The following BMPER variants were observed in gnomAD, a reference collection of about 807,000 sequenced individuals.
BMPER encodes BMP-binding endothelial regulator protein.
BMPER carries 45 observed loss-of-function variants against 87.3 expected under a neutral mutation model. The ratio of observed to expected loss-of-function variants is 0.52; its 90% confidence interval spans 0.41 to 0.66. The LOEUF is 0.66. Among genes scored for constraint, BMPER ranks in the 30% least tolerant of loss-of-function variants. BMPER has a pLI of 0.00. For missense variants in BMPER, 784 were observed against 867.5 expected (o/e 0.90, Z 1.21); for synonymous variants, 326 against 316.2 (o/e 1.03, Z -0.33).
At chr7:34,060,153 T>C (rs1788398705) in intron 10 of BMPER, among the ~76,000 whole-genome samples, 1 of 152,218 alleles carries the variant, frequency 6.6e-6, no homozygotes, top group South Asian at 2.1e-4. Context: ...ACAGGTGCTC[T>C]GACTTTACAG....
At chr7:34,111,804 C>T (rs986802918) in intron 13 of BMPER, among the ~76,000 whole-genome samples, 15 of 152,154 alleles carry the variant, frequency 9.9e-5, no homozygotes, top group Non-Finnish European at 2.1e-4. Context: ...ACCTCTGCCC[C>T]CCAGGTTCAA....
intron 6 of BMPER, among the ~76,000 whole-genome samples, chr7:33,988,186 C>A (rs947588278): frequency 6.6e-6 from 1 of 152,004 alleles, no homozygotes; most frequent in Admixed American, 6.6e-5. Flanking sequence ...GCTGTGTTGA[C>A]TTTAGGGATC....
intron 6 of BMPER, among the ~76,000 whole-genome samples, chr7:34,022,705 CAA>C (rs74837974): frequency 3.7e-4 from 22 of 59,650 alleles, no homozygotes; most frequent in Admixed American, 5.6e-4. Flanking sequence ...TAAGGTTTGC[CAA>C]AAAAAAAAAA....
intron 5 of BMPER, among the ~76,000 whole-genome samples, chr7:33,972,311 C>T (rs1785570276): frequency 6.6e-6 from 1 of 152,142 alleles, no homozygotes; most frequent in South Asian, 2.1e-4. Context: ...AGCCCAAGAC[C>T]TCCCACCCTG....
chr7:33,907,319 C>T (rs1464341790), intron 2 of BMPER, among the ~76,000 whole-genome samples: 2 of 151,658 alleles, frequency 1.3e-5, no homozygotes, highest in East Asian at 1.9e-4. Context: ...ATAAGGTATG[C>T]GACAAAGGGA....
At chr7:33,953,337 C>A (rs1486138754) in intron 3 of BMPER, among the ~76,000 whole-genome samples, 1 of 152,196 alleles carries the variant, frequency 6.6e-6, no homozygotes, top group Admixed American at 6.5e-5. Context: ...TCATAAAGAC[C>A]CTCAGTTATT....
chr7:33,931,429 C>T (rs540483513), intron 2 of BMPER, among the ~76,000 whole-genome samples: 2 of 152,240 alleles, frequency 1.3e-5, no homozygotes, highest in South Asian at 2.1e-4. Context: ...TCTTAAGAAA[C>T]CTGTGAGGAT....
intron 6 of BMPER, among the ~76,000 whole-genome samples, chr7:34,030,426 C>G (rs1268882950): frequency 1.3e-5 from 2 of 151,984 alleles, no homozygotes; most frequent in African/African-American, 4.8e-5. Flanking sequence ...CTGTATTTCC[C>G]CAATGGAATA....
intron 6 of BMPER, among the ~76,000 whole-genome samples, chr7:34,028,798 TGTAGA>T (rs1024788631): frequency 1.3e-5 from 2 of 151,612 alleles, no homozygotes; most frequent in Admixed American, 6.6e-5. Context: ...GAGGAGCCTG[TGTAGA>T]GTAAACACAA....
At chr7:33,921,750 C>T (rs144031334) in intron 2 of BMPER, 38 of 470,984 alleles carry the variant, frequency 8.1e-5, no homozygotes, top group African/African-American at 2.4e-4. Flanking sequence ...ACGAAGCTGA[C>T]GTGACGTTAT....
chr7:34,148,808 A>C (rs186045890), intron 14 of BMPER, among the ~76,000 whole-genome samples: 31 of 152,308 alleles, frequency 2.0e-4, no homozygotes, highest in Non-Finnish European at 1.5e-5. Context: ...AGGGAAACAC[A>C]AAGAATGTGG....
rs1002418781 is a variant in BMPER at position 34,154,916 on chromosome 7, T to C, written c.*1643T>C. 1 of 152,148 alleles carries C rather than the reference T, an allele frequency of 6.6e-6. No homozygotes were observed. The highest frequency in any genetic ancestry group is 6.5e-5 in the Admixed American group (1 of 15,280). The allele number at this position is 152,148 out of a possible 1,614,324, so 9.4% of individuals were successfully genotyped here. A position where few individuals can be genotyped will look rare whatever the true frequency, so the allele number is the denominator to read the frequency against. ...TGAGGTAGTCAGGTCATTGTTTCAA[T>C]GCTGCCCTTGGAAAGAAGACTTTGA... On this transcript the variant is annotated 3_prime_UTR_variant, in exon 15 of 15. Transcript: ENST00000649409.
At chr7:34,109,010 A>G (rs759622758) in intron 13 of BMPER, among the ~76,000 whole-genome samples, 11 of 152,204 alleles carry the variant, frequency 7.2e-5, no homozygotes, top group Non-Finnish European at 1.6e-4. Context: ...ATATGTGTAT[A>G]AAAGAGATTT....
intron 12 of BMPER, among the ~76,000 whole-genome samples, chr7:34,080,914 A>G (rs1789026343): frequency 6.6e-6 from 1 of 152,246 alleles, no homozygotes; most frequent in African/African-American, 2.4e-5. Flanking sequence ...GGATGAGGCT[A>G]AGAGAATAAT....
chr7:33,905,892 G>A (rs1398063835), intron 1 of BMPER, 146 bp downstream of exon 1: 1 of 1,176,316 alleles, frequency 8.5e-7, no homozygotes, highest in Non-Finnish European at 1.2e-6. Context: ...ATGAAGCGAA[G>A]CCCCGGGAGG....
At position 33,914,109 on chromosome 7, in the gene BMPER, C is replaced by T. The variant is rs185613777; in HGVS notation, c.219+7206C>T. Among the ~76,000 whole-genome samples, 946 of 151,888 alleles carry T rather than the reference C, an allele frequency of 6.2e-3. 9 individuals are homozygous for T. The highest frequency in any genetic ancestry group is 0.022 in the African/African-American group (892 of 41,390). On this transcript the variant is annotated intron_variant, in intron 2 of 14. Transcript: ENST00000649409. ...TCCCGAGTAGCTGGGACTACAGGCG[C>T]CCGCCACTATGCCCGGCTAATTTTT...
chr7:34,129,622 G>GAGAGAGAA (rs1790512934), intron 13 of BMPER, among the ~76,000 whole-genome samples: 1 of 67,132 alleles, frequency 1.5e-5, no homozygotes, highest in African/African-American at 6.7e-5. Context: ...GAGAGAGAGA[G>GAGAGAGAA]AGAAAGAGAG....
rs888731346 is a variant in BMPER at position 34,141,540 on chromosome 7, G to A, written c.1746-1690G>A. On this transcript the variant is annotated intron_variant, in intron 13 of 14. Coordinates refer to ENST00000649409, the MANE Select transcript of BMPER (RefSeq NM_001365308.1). ...CAAGAATATTGCTTGAACCCAAGAG[G>A]TGGAGGTTGTAGTGAGCTGAGATCG... Among the ~76,000 whole-genome samples, 6 of 149,348 alleles carry A rather than the reference G, an allele frequency of 4.0e-5. No individual in the cohort carries two copies. The Admixed American group carries it at 4.1e-4, about 10-fold the overall frequency.
At chr7:33,968,124 G>A (rs893659931) in intron 4 of BMPER, among the ~76,000 whole-genome samples, 3 of 152,226 alleles carry the variant, frequency 2.0e-5, no homozygotes, top group Admixed American at 6.5e-5. Flanking sequence ...AAGTCCAGCA[G>A]CCTTGGGAGT....
Sources: gnomAD v4.1 joint callset for allele counts (sites outside exome capture counted in the v4.1 genomes callset) on GRCh38, gnomAD v4.1.1 for gene constraint, MANE v1.5 for transcripts, NCBI Gene and HGNC (gene_info 2026-07-23, HGNC 2026-07-21) for gene names.